ARHGAP25: variants seen among roughly 807,000 people sequenced by gnomAD.
ARHGAP25 encodes Rho GTPase activating protein 25.
ARHGAP25 carries 34 observed loss-of-function variants against 71.0 expected under a neutral mutation model. That is an observed-to-expected ratio of 0.48 (90% CI 0.36 to 0.64). ARHGAP25 has a LOEUF of 0.64. ARHGAP25 is among the 30% of genes least tolerant of loss of function. The pLI is 0.00. For missense variants in ARHGAP25, 706 were observed against 805.1 expected (o/e 0.88, Z 1.49); for synonymous variants, 282 against 296.5 (o/e 0.95, Z 0.50).
upstream of ARHGAP25, among the ~76,000 whole-genome samples, chr2:68,732,243 A>T (rs536033666): frequency 1.1e-4 from 16 of 152,298 alleles, no homozygotes; most frequent in South Asian, 2.9e-3. Flanking sequence ...GCCTTTCCGC[A>T]TCTGCACAAC....
chr2:68,725,969 G>A (rs142957750), intron 2 of ARHGAP25, among the ~76,000 whole-genome samples: 19 of 150,132 alleles, frequency 1.3e-4, no homozygotes, highest in Admixed American at 6.6e-4. Context: ...TGTCACCTTC[G>A]CTGTCCAACT....
chr2:68,730,663 A>T (rs1027451514), upstream of ARHGAP25, among the ~76,000 whole-genome samples: 45 of 151,984 alleles, frequency 3.0e-4, no homozygotes, highest in African/African-American at 1.1e-3. Context: ...AAAAAAAAAA[A>T]AAAAAGTTCT....
At chr2:68,724,133 G>T (rs1325527107) in intron 2 of ARHGAP25, among the ~76,000 whole-genome samples, 1 of 152,158 alleles carries the variant, frequency 6.6e-6, no homozygotes, top group Non-Finnish European at 1.5e-5. Flanking sequence ...GAACCATGCA[G>T]CTGAGAAGGA....
At chr2:68,793,576 G>T (rs1289239580) in intron 4 of ARHGAP25, among the ~76,000 whole-genome samples, 1 of 152,138 alleles carries the variant, frequency 6.6e-6, no homozygotes, top group Non-Finnish European at 1.5e-5. Flanking sequence ...TCAAAGATCA[G>T]TTGACTATAA....
Position 68,735,753 on chromosome 2 carries a change from G to A in ARHGAP25, c.61+493G>A, listed in dbSNP as rs1031537363. Among the ~76,000 whole-genome samples the A allele has an allele frequency of 5.3e-5, 8 of 152,048 alleles. 1 individual carries two copies. Among genetic ancestry groups the A allele is most frequent in the East Asian group, 3.8e-4 (2 of 5,200 alleles). Reference sequence around the variant, plus strand: ...AAAAACAAGACAGGAACATAAAAACGTACTAAAGTATAATAAAGACCTTAC... The same window carrying A: ...AAAAACAAGACAGGAACATAAAAACATACTAAAGTATAATAAAGACCTTAC... On this transcript the variant is annotated intron_variant, in intron 1 of 10. Coordinates refer to ENST00000409202, the MANE Select transcript of ARHGAP25 (RefSeq NM_001007231.3).
At chr2:68,799,681 T>C (rs1277009690) in intron 4 of ARHGAP25, among the ~76,000 whole-genome samples, 1 of 152,168 alleles carries the variant, frequency 6.6e-6, no homozygotes, top group Non-Finnish European at 1.5e-5. Context: ...TTGACAGCTT[T>C]ATGTTCACTG....
chr2:68,766,466 G>A (rs1038624560), intron 1 of ARHGAP25, among the ~76,000 whole-genome samples: 10 of 152,174 alleles, frequency 6.6e-5, no homozygotes, highest in Non-Finnish European at 1.5e-5. Flanking sequence ...CAGGCGGAGA[G>A]GGCTGGGTAA....
At chr2:68,715,915 G>A (rs1363074922) in intron 2 of ARHGAP25, among the ~76,000 whole-genome samples, 4 of 152,146 alleles carry the variant, frequency 2.6e-5, no homozygotes, top group Admixed American at 6.5e-5. Context: ...AGGTGAGGGC[G>A]GTTGGGAGGA....
At chr2:68,761,906 C>G (rs113675209) in intron 1 of ARHGAP25, among the ~76,000 whole-genome samples, 52 of 152,104 alleles carry the variant, frequency 3.4e-4, no homozygotes, top group African/African-American at 1.2e-3. Flanking sequence ...GAATTGAAAA[C>G]AGAGTCTTGA....
chr2:68,726,041 G>A (rs949753124), intron 2 of ARHGAP25, among the ~76,000 whole-genome samples: 7 of 151,862 alleles, frequency 4.6e-5, no homozygotes, highest in African/African-American at 7.3e-5. Flanking sequence ...ACCCCTTCCC[G>A]TAGCACTTTT....
chr2:68,723,120 C>T (rs892122234), intron 2 of ARHGAP25, among the ~76,000 whole-genome samples: 1 of 152,152 alleles, frequency 6.6e-6, no homozygotes, highest in Admixed American at 6.5e-5. Flanking sequence ...CAGCAAATTC[C>T]ACGATGCTGG....
intron 2 of ARHGAP25, among the ~76,000 whole-genome samples, chr2:68,780,960 G>T (rs1678290551): frequency 6.6e-6 from 1 of 152,214 alleles, no homozygotes; most frequent in Admixed American, 6.5e-5. Flanking sequence ...TGAATAACTA[G>T]ATCCAGTGCG....
intron 3 of ARHGAP25, among the ~76,000 whole-genome samples, chr2:68,783,411 A>G (rs1001358221): frequency 7.2e-5 from 11 of 152,126 alleles, no homozygotes; most frequent in African/African-American, 2.7e-4. Context: ...CAAATTTACA[A>G]AAATTTTTAA....
intron 2 of ARHGAP25, among the ~76,000 whole-genome samples, chr2:68,722,614 C>T (rs1371093429): frequency 6.6e-6 from 1 of 150,874 alleles, no homozygotes; most frequent in Admixed American, 6.6e-5. Flanking sequence ...ATTCCAGACA[C>T]TATATTGAGT....
intron 2 of ARHGAP25, among the ~76,000 whole-genome samples, chr2:68,726,908 CT>C (rs11403504): frequency 0.036 from 5,483 of 150,668 alleles, 327 homozygotes; most frequent in African/African-American, 0.13. Flanking sequence ...TTGCACAAAT[CT>C]TTTTTTTTTC....
chr2:68,823,930 G>C (rs912886779), intron 10 of ARHGAP25, among the ~76,000 whole-genome samples: 4 of 152,162 alleles, frequency 2.6e-5, no homozygotes, highest in Non-Finnish European at 5.9e-5. Flanking sequence ...AGGAGAGAAA[G>C]CCTTGATCCA....
chr2:68,786,085 G>A (rs1678740789), intron 3 of ARHGAP25, among the ~76,000 whole-genome samples: 2 of 152,122 alleles, frequency 1.3e-5, no homozygotes, highest in Non-Finnish European at 2.9e-5. Flanking sequence ...GGGACAACCT[G>A]ATTTTCAATC....
intron 3 of ARHGAP25, among the ~76,000 whole-genome samples, chr2:68,787,000 G>C (rs1436414988): frequency 6.6e-6 from 1 of 152,164 alleles, no homozygotes; most frequent in Non-Finnish European, 1.5e-5. Context: ...GCAGGTCCAC[G>C]GATGAAGTTA....
chr2:68,809,264 T>C (rs1178428458), intron 5 of ARHGAP25, among the ~76,000 whole-genome samples: 2 of 152,096 alleles, frequency 1.3e-5, no homozygotes, highest in East Asian at 3.9e-4. Context: ...TGTTTTGGTG[T>C]TGAGGGCTGT....
Sources: allele counts gnomAD v4.1 joint callset (sites outside exome capture counted in the v4.1 genomes callset), GRCh38; gene constraint gnomAD v4.1.1; transcripts MANE v1.5; gene names NCBI Gene and HGNC (gene_info 2026-07-23, HGNC 2026-07-21).